Variants in COL22A1 observed in about 807,000 individuals in gnomAD.
COL22A1 encodes the protein collagen type XXII alpha 1 chain.
A neutral mutation model predicts 248.9 loss-of-function variants in COL22A1; 221 were observed. That is an observed-to-expected ratio of 0.89 (90% CI 0.80 to 0.99). COL22A1 has a LOEUF of 0.99. Ranked by LOEUF, COL22A1 falls within the 50% of genes least tolerant of loss-of-function variation. The pLI is 0.00. For synonymous variants in COL22A1, 891 were observed against 793.4 expected (o/e 1.12, Z -2.07); for missense variants, 2,240 against 2,179.0 (o/e 1.03, Z -0.56).
At chr8:138,602,362 C>T (rs1818093710) in intron 59 of COL22A1, among the ~76,000 whole-genome samples, 1 of 152,188 alleles carries the variant, frequency 6.6e-6, no homozygotes, top group African/African-American at 2.4e-5. Flanking sequence ...CCTCCTGGCA[C>T]TGTCCACCTT....
intron 44 of COL22A1, among the ~76,000 whole-genome samples, chr8:138,658,416 C>T (rs1312866777): frequency 1.3e-5 from 2 of 152,170 alleles, no homozygotes; most frequent in African/African-American, 2.4e-5. Context: ...TCAGTCTGAC[C>T]TCCAGAGAGG....
chr8:138,664,799 CGAG>C (rs1824350146), intron 41 of COL22A1, among the ~76,000 whole-genome samples: 1 of 152,098 alleles, frequency 6.6e-6, no homozygotes. Context: ...ATTTAAAGCA[CGAG>C]GAGAACTTGA....
chr8:138,598,605 C>T (rs544152255), intron 61 of COL22A1, 114 bp downstream of exon 61: 36 of 1,011,880 alleles, frequency 3.6e-5, no homozygotes, highest in Non-Finnish European at 4.8e-5. Context: ...GTCATACCTT[C>T]AGTCACTAGA....
At position 138,649,788 on chromosome 8, in the gene COL22A1, G is replaced by C. The variant is rs1822534421; in HGVS notation, c.3334-10C>G. The C allele has an allele frequency of 6.6e-7, 1 of 1,524,952 alleles. No homozygotes were observed. Among genetic ancestry groups the C allele is most frequent in the Non-Finnish European group, 8.9e-7 (1 of 1,127,646 alleles). The allele number at this position is 1,524,952 out of a possible 1,614,324, so 94.5% of individuals were successfully genotyped here. A position where few individuals can be genotyped will look rare whatever the true frequency, so the allele number is the denominator to read the frequency against. Reference sequence around the variant, plus strand: ...AGTCATTGCACACATCCTGAGAGTGGGGAGAGAGGTGGGGACAAAGAGAGA... The same window carrying C: ...AGTCATTGCACACATCCTGAGAGTGCGGAGAGAGGTGGGGACAAAGAGAGA... On this transcript the variant is annotated splice_polypyrimidine_tract_variant and intron_variant, in intron 45 of 64. Transcript: ENST00000303045.
At chr8:138,692,097 T>C (rs551003273) in intron 35 of COL22A1, among the ~76,000 whole-genome samples, 1 of 145,916 alleles carries the variant, frequency 6.9e-6, no homozygotes, top group Non-Finnish European at 1.5e-5. Flanking sequence ...CGTGCATGTG[T>C]ACACGTTTGT....
intron 1 of COL22A1, among the ~76,000 whole-genome samples, chr8:138,908,353 T>G (rs2132197144): frequency 6.6e-6 from 1 of 152,332 alleles, no homozygotes; most frequent in Middle Eastern, 3.4e-3. Context: ...GGATAAGAAC[T>G]CAGAAGAGTT....
intron 3 of COL22A1, among the ~76,000 whole-genome samples, chr8:138,853,176 A>G (rs1821768321): frequency 6.6e-6 from 1 of 152,162 alleles, no homozygotes; most frequent in Admixed American, 6.5e-5. Flanking sequence ...CCTGGTCTCA[A>G]AAAAGAAGGG....
chr8:138,909,922 C>T (rs1276088611), intron 1 of COL22A1, among the ~76,000 whole-genome samples: 3 of 152,184 alleles, frequency 2.0e-5, no homozygotes, highest in African/African-American at 7.2e-5. Flanking sequence ...CCAGAAATCC[C>T]ACTCCTTAAG....
At chr8:138,744,823 T>A (rs1037473459) in intron 22 of COL22A1, among the ~76,000 whole-genome samples, 1 of 152,244 alleles carries the variant, frequency 6.6e-6, no homozygotes, top group East Asian at 1.9e-4. Flanking sequence ...ATTCCATTTT[T>A]AAAATGCATT....
In COL22A1 at chr8:138,877,741, C is replaced by A. The variant is rs766273142; in HGVS notation, c.658+9G>T. 5.7e-6 allele frequency: 9 copies of A among 1,565,284 alleles called. No individual in the cohort carries two copies. The highest frequency in any genetic ancestry group is 1.2e-5 in the South Asian group (1 of 82,462). Reference sequence around the variant, plus strand: ...TGGGAGGGGCCGCATGGGGCCCGGGCGCACTCACTTTCACAAAGACGGCGC... The same window carrying A: ...TGGGAGGGGCCGCATGGGGCCCGGGAGCACTCACTTTCACAAAGACGGCGC... On this transcript the variant is annotated intron_variant, in intron 3 of 64. Coordinates refer to ENST00000303045, the MANE Select transcript of COL22A1 (RefSeq NM_152888.3).
rs116746466 is a variant in COL22A1 at position 138,857,321 on chromosome 8, G to A, written c.659-13163C>T. ...CTACATCTGGGGAGAAGCTTCAGAAGATGGACATGAGGATGGGTCAGTGCC... is the reference window on the plus strand; with the variant it reads ...CTACATCTGGGGAGAAGCTTCAGAAAATGGACATGAGGATGGGTCAGTGCC... On this transcript the variant is annotated intron_variant, in intron 3 of 64. Coordinates refer to ENST00000303045, the MANE Select transcript of COL22A1 (RefSeq NM_152888.3). 7.7e-3 allele frequency among the ~76,000 whole-genome samples: 1,178 copies of A among 152,362 alleles called. 15 individuals are homozygous for A. Among genetic ancestry groups the A allele is most frequent in the African/African-American group, 0.027 (1,110 of 41,586 alleles).
chr8:138,790,960 C>A (rs1042029590), intron 12 of COL22A1, among the ~76,000 whole-genome samples: 14 of 152,302 alleles, frequency 9.2e-5, no homozygotes, highest in African/African-American at 3.1e-4. Flanking sequence ...GGGTCCTCAG[C>A]TAGTACTTGC....
chr8:138,685,438 C>T lies in COL22A1; in HGVS notation c.2863-126G>A, dbSNP rs1024115945. On this transcript the variant is annotated intron_variant, in intron 37 of 64. Coordinates refer to ENST00000303045, the MANE Select transcript of COL22A1 (RefSeq NM_152888.3). ...CCTTTATGATTTTAGAAGGCCCATG[C>T]TTTCTGGGACACAGAAAGATGGACT... 30 of 729,678 alleles carry T rather than the reference C, an allele frequency of 4.1e-5. No homozygotes were observed. The African/African-American group carries it at 4.5e-4, about 11-fold the overall frequency. 45.2% of individuals were successfully genotyped at this position (729,678 alleles called of 1,614,324 possible).
intron 12 of COL22A1, among the ~76,000 whole-genome samples, chr8:138,793,353 T>C (rs1160539630): frequency 6.6e-6 from 1 of 152,094 alleles, no homozygotes; most frequent in Non-Finnish European, 1.5e-5. Context: ...AGACTTCAAG[T>C]TACAGAAAAG....
intron 37 of COL22A1, among the ~76,000 whole-genome samples, chr8:138,688,177 GTTT>G (rs33968286): frequency 8.2e-4 from 121 of 147,934 alleles, no homozygotes; most frequent in East Asian, 1.4e-3. Context: ...TGGCCTCTGG[GTTT>G]TTTTTTTTTT....
chr8:138,679,638 T>G lies in COL22A1; in HGVS notation c.3051A>C (p.Ala1017=), dbSNP rs1415601020. 4.3e-6 allele frequency: 7 copies of G among 1,613,990 alleles called. No homozygotes were observed. Among genetic ancestry groups the G allele is most frequent in the Non-Finnish European group, 5.9e-6 (7 of 1,179,984 alleles). Reference sequence around the variant, plus strand: ...TGACCTTAACACATTGCCCTCCCAGTGCACAGTTTTCTGACCCTCTGACTT... The same window carrying G: ...TGACCTTAACACATTGCCCTCCCAGGGCACAGTTTTCTGACCCTCTGACTT... The part of the protein sequence containing the change: ...CGKVRGSENC[A]LGGQCVKGDR... The change falls in exon 40 of 65, where the codon GCA becomes GCC. Residue 1017 remains alanine, a synonymous_variant. Transcript: ENST00000303045.
intron 16 of COL22A1, among the ~76,000 whole-genome samples, chr8:138,767,199 G>A (rs1014273843): frequency 2.0e-5 from 3 of 152,206 alleles, no homozygotes; most frequent in African/African-American, 7.2e-5. Flanking sequence ...TGCCTGGCAC[G>A]TGGAAGGTGC....
chr8:138,746,951 G>A (rs952314440), intron 22 of COL22A1, among the ~76,000 whole-genome samples: 6 of 152,170 alleles, frequency 3.9e-5, no homozygotes, highest in East Asian at 1.9e-4. Context: ...GGTGCAACCC[G>A]GGCCCTGCCA....
chr8:138,895,555 G>A (rs571017886), intron 1 of COL22A1, among the ~76,000 whole-genome samples: 1 of 151,998 alleles, frequency 6.6e-6, no homozygotes, highest in Non-Finnish European at 1.5e-5. Flanking sequence ...GACTGGAAAT[G>A]AGACAACTGA....
Sources: gnomAD v4.1 joint callset for allele counts (sites outside exome capture counted in the v4.1 genomes callset) on GRCh38, gnomAD v4.1.1 for gene constraint, MANE v1.5 for transcripts, NCBI Gene and HGNC (gene_info 2026-07-23, HGNC 2026-07-21) for gene names.